The following PCDHA4 variants were observed in gnomAD, a reference collection of about 807,000 sequenced individuals.
PCDHA4 encodes protocadherin alpha-4.
PCDHA4 carries 49 observed loss-of-function variants against 61.4 expected under a neutral mutation model. The ratio of observed to expected loss-of-function variants is 0.80; its 90% CI spans 0.63 to 1.01. PCDHA4 has a LOEUF of 1.01. PCDHA4 is among the 50% of genes least tolerant of loss of function. The probability of loss-of-function intolerance (pLI) is 0.00; values close to 1 mark genes in which losing one functional copy is unlikely to be tolerated. For synonymous variants in PCDHA4, 590 were observed against 550.3 expected (o/e 1.07, Z -1.01); for missense variants, 1,254 against 1,235.8 (o/e 1.01, Z -0.22).
At chr5:140,841,992 G>T (rs782125762) in intron 1 of PCDHA4, 1 of 1,613,646 alleles carries the variant, frequency 6.2e-7, no homozygotes, top group African/African-American at 1.3e-5. Context: ...GAGCTCACAG[G>T]CACTGTTCAG....
At chr5:140,847,086 A>G (rs1439792842) in intron 1 of PCDHA4, among the ~76,000 whole-genome samples, 1 of 149,852 alleles carries the variant, frequency 6.7e-6, no homozygotes, top group East Asian at 1.9e-4. Flanking sequence ...AGAAAAGTCC[A>G]CTTTGGTTAA....
intron 1 of PCDHA4, chr5:140,830,390 A>T (rs1554132803): frequency 1.9e-6 from 3 of 1,614,042 alleles, no homozygotes; most frequent in East Asian, 2.2e-5. Flanking sequence ...CCCACCCAAG[A>T]TGGATCTCAT....
chr5:140,833,890 A>G (rs1772705183), intron 1 of PCDHA4, among the ~76,000 whole-genome samples: 1 of 152,210 alleles, frequency 6.6e-6, no homozygotes, highest in African/African-American at 2.4e-5. Context: ...TGGGATCTAG[A>G]TCAAAGGAAT....
chr5:140,818,604 T>G (rs2150101682), intron 1 of PCDHA4, among the ~76,000 whole-genome samples: 1 of 152,274 alleles, frequency 6.6e-6, no homozygotes, highest in African/African-American at 2.4e-5. Context: ...GTGTGGGCCA[T>G]GACAGGAGGA....
chr5:141,009,975 GTAA>G lies in PCDHA4; in HGVS notation c.*43_*45del. The G allele has an allele frequency of 6.3e-7, 1 of 1,585,060 alleles. No individual in the cohort carries two copies. Among genetic ancestry groups the G allele is most frequent in the Non-Finnish European group, 8.6e-7 (1 of 1,168,878 alleles). ...GAAACAAGCCACTTAGCCAGTTTTT[GTAA>G]TAATGGCAAATCTCTCCCATGTAGC... On this transcript the variant is annotated 3_prime_UTR_variant, in exon 4 of 4. Coordinates refer to ENST00000530339, the MANE Select transcript of PCDHA4 (RefSeq NM_018907.4).
intron 1 of PCDHA4, among the ~76,000 whole-genome samples, chr5:140,975,124 C>T (rs560299893): frequency 6.6e-6 from 1 of 152,268 alleles, no homozygotes; most frequent in African/African-American, 2.4e-5. Flanking sequence ...TTCCTACTTA[C>T]TATTGGCCTG....
intron 1 of PCDHA4, among the ~76,000 whole-genome samples, chr5:140,943,180 C>T (rs2093431387): frequency 6.7e-6 from 1 of 149,602 alleles, no homozygotes; most frequent in South Asian, 2.1e-4. Context: ...ATCGCTTGAA[C>T]CCTGGAGGTG....
intron 1 of PCDHA4, among the ~76,000 whole-genome samples, chr5:140,924,894 C>CAAAA (rs782133089): frequency 2.8e-5 from 2 of 71,514 alleles, no homozygotes; most frequent in Non-Finnish European, 3.2e-5. Flanking sequence ...GAACCTGTCT[C>CAAAA]AAAAAAAAAA....
rs782336917 is a variant in PCDHA4, at chr5:140,808,313, G to A, written c.1126G>A (p.Asp376Asn). Residue 376 changes from aspartate to asparagine, a missense_variant, in exon 1 of 4, where the codon GAC (aspartate) becomes AAC (asparagine). Physicochemically the swap from Asp to Asn is conservative, Grantham distance 23. Transcript: ENST00000530339. ...GTVIALISVS[D>N]KDMGVNGLVT... ...AGTCATCGCCCTGATCAGCGTGTCCGACAAAGACATGGGTGTCAATGGGCT... is the reference window on the plus strand; with the variant it reads ...AGTCATCGCCCTGATCAGCGTGTCCAACAAAGACATGGGTGTCAATGGGCT... 2 of 1,614,218 alleles carry A rather than the reference G, an allele frequency of 1.2e-6. No homozygotes were observed. Among genetic ancestry groups the A allele is most frequent in the South Asian group, 1.1e-5 (1 of 91,080 alleles).
chr5:140,995,544 A>T (rs2097688289), intron 3 of PCDHA4, among the ~76,000 whole-genome samples: 1 of 152,234 alleles, frequency 6.6e-6, no homozygotes, highest in African/African-American at 2.4e-5. Context: ...ATAAGGGGCG[A>T]TCACTGTACT....
At chr5:140,856,865 A>G in intron 1 of PCDHA4, 2 of 1,595,810 alleles carry the variant, frequency 1.3e-6, no homozygotes, top group African/African-American at 1.3e-5. Context: ...TGAAGGAATA[A>G]ACAAGGAAAT....
At chr5:140,895,435 C>T (rs2065005335) in intron 1 of PCDHA4, among the ~76,000 whole-genome samples, 2 of 152,134 alleles carry the variant, frequency 1.3e-5, no homozygotes, top group African/African-American at 4.8e-5. Context: ...CCTCCTGAGA[C>T]TCTTTTCATG....
intron 1 of PCDHA4, chr5:140,966,814 C>T: frequency 1.9e-6 from 3 of 1,552,444 alleles, no homozygotes; most frequent in East Asian, 2.4e-5. Context: ...ATCCACGGCT[C>T]CGGCGGCCCA....
In PCDHA4 at chr5:140,963,375, C is replaced by A. The variant is rs1425392684; in HGVS notation, c.2386-15574C>A. On this transcript the variant is annotated intron_variant, in intron 1 of 3. Transcript: ENST00000530339. ...CTTTTCAAAGAACATTAATTGAGCA[C>A]CTCTGTGCCAAGCTCCCTACTGGAT... is the stretch of plus-strand genomic sequence containing the variant. Among the ~76,000 whole-genome samples, 15 of 152,176 alleles carry A rather than the reference C, an allele frequency of 9.9e-5. 1 individual carries two copies. The highest frequency in any genetic ancestry group is 5.2e-4 in the Admixed American group (8 of 15,290).
At chr5:140,991,629 T>C (rs1466263798) in intron 3 of PCDHA4, among the ~76,000 whole-genome samples, 5 of 152,208 alleles carry the variant, frequency 3.3e-5, no homozygotes, top group African/African-American at 1.2e-4. Context: ...ATATTTGTAA[T>C]AACAATCTGT....
At chr5:140,987,432 T>G (rs1401623974) in intron 3 of PCDHA4, among the ~76,000 whole-genome samples, 1 of 152,152 alleles carries the variant, frequency 6.6e-6, no homozygotes, top group Non-Finnish European at 1.5e-5. Flanking sequence ...GCAGGGGGCC[T>G]TTCCCCATGC....
At chr5:140,848,407 A>G in intron 1 of PCDHA4, 1 of 1,347,562 alleles carries the variant, frequency 7.4e-7, no homozygotes, top group Non-Finnish European at 1.0e-6. Flanking sequence ...AACGATGGCG[A>G]ACACAGCAGA....
intron 1 of PCDHA4, chr5:140,822,094 G>A: frequency 1.2e-6 from 2 of 1,614,270 alleles, no homozygotes; most frequent in Non-Finnish European, 1.7e-6. Context: ...CCACCTGGAG[G>A]TGATCGTGGA....
chr5:140,846,983 T>TC (rs1245867749), intron 1 of PCDHA4, among the ~76,000 whole-genome samples: 3 of 148,244 alleles, frequency 2.0e-5, no homozygotes, highest in African/African-American at 7.4e-5. Context: ...ATAAGTAAGT[T>TC]CCCCCCGGGA....
Sources: allele counts gnomAD v4.1 joint callset (sites outside exome capture counted in the v4.1 genomes callset), GRCh38; gene constraint gnomAD v4.1.1; transcripts MANE v1.5; gene names NCBI Gene and HGNC (gene_info 2026-07-23, HGNC 2026-07-21).